CNNM4: variants seen among roughly 807,000 people sequenced by gnomAD.
CNNM4 encodes the protein cyclin and CBS domain divalent metal cation transport mediator 4, also known as metal transporter CNNM4.
CNNM4 carries 32 observed loss-of-function variants against 53.7 expected under a neutral mutation model. The ratio of observed to expected loss-of-function variants is 0.60; its 90% CI spans 0.45 to 0.80. The LOEUF is 0.80. Among genes scored for constraint, CNNM4 ranks in the 30% least tolerant of loss-of-function variants. The pLI, the probability that CNNM4 is intolerant of heterozygous loss-of-function variation, is 0.00. For missense variants in CNNM4, 784 were observed against 1,022.0 expected, an observed-to-expected ratio of 0.77 and a Z score of 3.17; for synonymous variants, 410 against 440.0, an observed-to-expected ratio of 0.93 and a Z score of 0.85.
At position 96,761,319 on chromosome 2, in the gene CNNM4, G is replaced by A; in HGVS notation, c.320G>A (p.Ser107Asn). 1 of 1,614,002 alleles carries A rather than the reference G, an allele frequency of 6.2e-7. No individual in the cohort carries two copies. The highest frequency in any genetic ancestry group is 1.1e-5 in the South Asian group (1 of 91,082). The change falls in exon 1 of 7, where the codon AGC becomes AAC. Residue 107 changes from serine to asparagine, a missense_variant. Coordinates refer to ENST00000377075, the MANE Select transcript of CNNM4 (RefSeq NM_020184.4). The surrounding 1 kb of genome is among the most constrained non-coding windows in gnomAD (Gnocchi z 6.0). ...DDAETLHKST[S>N]CLELTKDLVV... ...GCCGAGACCCTCCACAAGTCCACCA[G>A]CTGCCTCGAGCTCACCAAGGACCTG...
At chr2:96,770,596 G>A (rs1293740880) in intron 1 of CNNM4, among the ~76,000 whole-genome samples, 1 of 152,156 alleles carries the variant, frequency 6.6e-6, no homozygotes, top group African/African-American at 2.4e-5. Context: ...CAGGCCTCCC[G>A]GGCTGCTTCC....
chr2:96,779,508 C>CAAAA (rs1178143077), intron 1 of CNNM4, among the ~76,000 whole-genome samples: 4 of 62,050 alleles, frequency 6.4e-5, no homozygotes, highest in East Asian at 4.6e-4. Flanking sequence ...GACCTCGTCT[C>CAAAA]AAAAAAAAAA....
rs1345235777 is a variant in CNNM4, at chr2:96,809,993, C to T, written c.*476C>T. 5.2e-5 allele frequency: 8 copies of T among 154,374 alleles called. No homozygotes were observed. Among genetic ancestry groups the T allele is most frequent in the African/African-American group, 1.7e-4 (7 of 41,460 alleles). The allele number at this position is 154,374 out of a possible 1,614,324, so 9.6% of individuals were successfully genotyped here. ...CTCTCCCTTCCTCCTCCTCCTCCTC[C>T]TCCGGAGGTGGGATCCCAGAGCCTG... On this transcript the variant is annotated 3_prime_UTR_variant, in exon 7 of 7. Transcript: ENST00000377075.
intron 4 of CNNM4, 34 bp downstream of exon 4, chr2:96,799,260 TC>T (rs760022110): frequency 1.2e-6 from 2 of 1,612,768 alleles, no homozygotes; most frequent in Admixed American, 1.7e-5. Context: ...TGCCACCTGC[TC>T]CCCCTGGCAC....
chr2:96,784,909 G>T (rs1413664618), intron 1 of CNNM4, among the ~76,000 whole-genome samples: 1 of 152,190 alleles, frequency 6.6e-6, no homozygotes. Flanking sequence ...ATAGAGTCTG[G>T]CTCTGTCACC....
intron 1 of CNNM4, among the ~76,000 whole-genome samples, chr2:96,764,944 A>G (rs2078800401): frequency 7.2e-6 from 1 of 139,210 alleles, no homozygotes; most frequent in Admixed American, 7.5e-5. Flanking sequence ...CCCAGATCGC[A>G]CCACTGCACT....
rs1558976468 is a variant in CNNM4 at position 96,761,497 on chromosome 2, G to A, written c.498G>A (p.Lys166=). ...PDGPWLKWTD[K]DSLLFMVEEP... The stretch of plus-strand genomic sequence containing the variant: ...GGCCCTGGCTGAAGTGGACGGACAA[G>A]GACTCACTGCTCTTCATGGTGGAGG... Residue 166 remains lysine (K), a synonymous_variant, in exon 1 of 7, where the codon AAG becomes AAA. Coordinates refer to ENST00000377075, the MANE Select transcript of CNNM4 (RefSeq NM_020184.4). The surrounding 1 kb of genome is among the most constrained non-coding windows in gnomAD (Gnocchi z 6.0). 1 of 1,614,098 alleles carries A rather than the reference G, an allele frequency of 6.2e-7. No individual in the cohort carries two copies. The highest frequency in any genetic ancestry group is 8.5e-7 in the Non-Finnish European group (1 of 1,179,990).
chr2:96,798,228 T>C (rs1315771255), intron 3 of CNNM4: 1 of 168,974 alleles, frequency 5.9e-6, no homozygotes, highest in East Asian at 1.7e-4. Context: ...CAAGATTCTG[T>C]CTCAAAAATA....
Position 96,797,519 on chromosome 2 carries a change from A to C in CNNM4, c.1553A>C (p.Asn518Thr), listed in dbSNP as rs752807120. 1 of 1,613,988 alleles carries C rather than the reference A, an allele frequency of 6.2e-7. No individual in the cohort carries two copies. Among genetic ancestry groups the C allele is most frequent in the African/African-American group, 1.3e-5 (1 of 74,942 alleles). Reference sequence around the variant, plus strand: ...CACGCTCTTCTTCCGGCAGCTGACAACCGAAGCCGGAAGCGGGTGTCTGAG... The same window carrying C: ...CACGCTCTTCTTCCGGCAGCTGACACCCGAAGCCGGAAGCGGGTGTCTGAG... ...ILDESDMYTD[N>T]RSRKRVSEKN... The change falls in exon 3 of 7, where the codon AAC (asparagine) becomes ACC (threonine). Residue 518 changes from asparagine to threonine, a missense_variant. Asn to Thr is a moderately conservative substitution (Grantham distance 65). Coordinates refer to ENST00000377075, the MANE Select transcript of CNNM4 (RefSeq NM_020184.4). This position sits in a 1 kb window ranked among gnomAD's most constrained non-coding sequence, Gnocchi z 6.0.
intron 5 of CNNM4, among the ~76,000 whole-genome samples, chr2:96,806,118 C>T (rs1429821325): frequency 1.4e-5 from 2 of 143,878 alleles, no homozygotes; most frequent in Admixed American, 6.7e-5. Context: ...GGCGGCTGGC[C>T]GGGCGGGGGG....
At position 96,797,085 on chromosome 2, in the gene CNNM4, C is replaced by T. The variant is rs1334787186; in HGVS notation, c.1476C>T (p.Gly492=). ...GEGDPFYEVL[G]LVTLEDVIEE... is the part of the protein sequence containing the mutation. ...GTGACCCCTTCTACGAGGTCCTGGG[C>T]CTGGTCACCCTGGAGGACGTGATCG... Residue 492 remains glycine (G), a synonymous_variant, in exon 2 of 7, where the codon GGC becomes GGT. Coordinates refer to ENST00000377075, the MANE Select transcript of CNNM4 (RefSeq NM_020184.4). The surrounding 1 kb of genome is among the most constrained non-coding windows in gnomAD (Gnocchi z 6.0). 13 of 1,613,976 alleles carry T rather than the reference C, an allele frequency of 8.1e-6. No homozygotes were observed. Among genetic ancestry groups the T allele is most frequent in the Non-Finnish European group, 1.1e-5 (13 of 1,179,998 alleles).
chr2:96,797,660 G>A lies in CNNM4; in HGVS notation c.1681+13G>A, dbSNP rs1375619926. ...TTCCTAGCCACAGGTAGCATGAGGAGGACCTTCCGGTCTTGGTGGAAATAC... is the reference window on the plus strand; with the variant it reads ...TTCCTAGCCACAGGTAGCATGAGGAAGACCTTCCGGTCTTGGTGGAAATAC... On this transcript the variant is annotated intron_variant, in intron 3 of 6. Transcript: ENST00000377075. The surrounding 1 kb of genome is among the most constrained non-coding windows in gnomAD (Gnocchi z 6.0). 7 of 1,613,678 alleles carry A rather than the reference G, an allele frequency of 4.3e-6. No homozygotes were observed. Among genetic ancestry groups the A allele is most frequent in the Non-Finnish European group, 5.9e-6 (7 of 1,180,028 alleles).
intron 1 of CNNM4, among the ~76,000 whole-genome samples, chr2:96,787,125 C>T (rs968658081): frequency 6.6e-6 from 1 of 152,210 alleles, no homozygotes; most frequent in African/African-American, 2.4e-5. Context: ...CCCTCCTGGG[C>T]ACACCTTGCA....
At chr2:96,764,979 T>C (rs1267282134) in intron 1 of CNNM4, among the ~76,000 whole-genome samples, 1 of 130,160 alleles carries the variant, frequency 7.7e-6, no homozygotes, top group Non-Finnish European at 1.6e-5. Flanking sequence ...TGAGCAAGAC[T>C]CTGTTTCAAA....
rs1455032084 is a variant in CNNM4, at chr2:96,801,655, AC to A, written c.1948+2009del. On this transcript the variant is annotated intron_variant, in intron 5 of 6. Transcript: ENST00000377075. This position sits in a 1 kb window ranked among gnomAD's most constrained non-coding sequence, Gnocchi z 5.6. ...AGAGAGACCACACACATGCAGAGAG[AC>A]CACACACACACACACACAGAGACCA... Among the ~76,000 whole-genome samples the A allele has an allele frequency of 1.3e-5, 2 of 148,498 alleles. No homozygotes were observed. The highest frequency in any genetic ancestry group is 3.0e-5 in the Non-Finnish European group (2 of 67,072).
rs2078763570 is a variant in CNNM4, at chr2:96,761,578, G to T, written c.579G>T (p.Leu193=). The change falls in exon 1 of 7, where the codon CTG becomes CTT. Residue 193 remains leucine (L), a synonymous_variant. Transcript: ENST00000377075. The surrounding 1 kb of genome is among the most constrained non-coding windows in gnomAD (Gnocchi z 6.0). ...ACATTCTCCTAATTACGGTGCTGCT[G>T]GTGCTGTCGGGCATATTTTCTGGCC... The part of the protein sequence containing the change: ...WLHILLITVL[L]VLSGIFSGLN... The T allele has an allele frequency of 6.2e-7, 1 of 1,614,040 alleles. No individual in the cohort carries two copies. Among genetic ancestry groups the T allele is most frequent in the African/African-American group, 1.3e-5 (1 of 74,930 alleles).
chr2:96,796,890 TA>T, intron 1 of CNNM4, 121 bp from the exon 2 acceptor site: 1 of 995,236 alleles, frequency 1.0e-6, no homozygotes, highest in Admixed American at 2.1e-5. Context: ...ATGGAAAAGA[TA>T]AAAACCACCA....
chr2:96,774,162 A>G (rs1335955949), intron 1 of CNNM4, among the ~76,000 whole-genome samples: 1 of 152,146 alleles, frequency 6.6e-6, no homozygotes, highest in African/African-American at 2.4e-5. Flanking sequence ...GGGAGGGGGC[A>G]GGGGAAGGAA....
At position 96,797,377 on chromosome 2, in the gene CNNM4, C is replaced by G; in HGVS notation, c.1547-136C>G. 1 of 1,438,286 alleles carries G rather than the reference C, an allele frequency of 7.0e-7. No homozygotes were observed. Among genetic ancestry groups the G allele is most frequent in the South Asian group, 1.1e-5 (1 of 87,094 alleles). 89.1% of individuals were successfully genotyped at this position (1,438,286 alleles called of 1,614,324 possible). A position where few individuals can be genotyped will look rare whatever the true frequency, so the allele number is the denominator to read the frequency against. On this transcript the variant is annotated intron_variant, in intron 2 of 6. Transcript: ENST00000377075. The surrounding 1 kb of genome is among the most constrained non-coding windows in gnomAD (Gnocchi z 6.0). ...CGGCCTTTGTGCCTCGGCGTCAGCC[C>G]AGGACCCTGCCAGCCAGAGCCTGCT...
Sources: gnomAD v4.1 joint callset for allele counts (sites outside exome capture counted in the v4.1 genomes callset) on GRCh38, gnomAD v4.1.1 for gene constraint, Gnocchi (gnomAD v3.1) non-coding constraint, MANE v1.5 for transcripts, NCBI Gene and HGNC (gene_info 2026-07-23, HGNC 2026-07-21) for gene names.